Variants in CNTNAP2 observed in about 807,000 individuals in gnomAD.
CNTNAP2 encodes contactin associated protein 2.
In CNTNAP2, 98 loss-of-function variants were observed where a neutral mutation model predicts 155.2. That is an observed-to-expected ratio of 0.63 (90% CI 0.54 to 0.75). The LOEUF (loss-of-function observed/expected upper bound fraction) is 0.75, where lower values mean the gene tolerates loss of function less well. Ranked by LOEUF, CNTNAP2 falls within the 30% of genes least tolerant of loss-of-function variation. The pLI, the probability that CNTNAP2 is intolerant of heterozygous loss-of-function variation, is 0.00. For synonymous variants in CNTNAP2, 651 were observed against 631.2 expected (o/e 1.03, Z -0.47); for missense variants, 1,727 against 1,688.1 (o/e 1.02, Z -0.40).
chr7:148,054,294 G>A (rs892626762), intron 15 of CNTNAP2, among the ~76,000 whole-genome samples: 2 of 151,954 alleles, frequency 1.3e-5, no homozygotes, highest in Non-Finnish European at 2.9e-5. Flanking sequence ...TATTAGCTCT[G>A]GGATTGTGGA....
chr7:147,502,752 T>C (rs925466426), intron 11 of CNTNAP2, among the ~76,000 whole-genome samples: 2 of 151,524 alleles, frequency 1.3e-5, no homozygotes, highest in Admixed American at 6.6e-5. Context: ...TATATATATA[T>C]ATATATAAAA....
chr7:147,257,341 T>C (rs1367808528), intron 8 of CNTNAP2, among the ~76,000 whole-genome samples: 5 of 152,156 alleles, frequency 3.3e-5, no homozygotes. Context: ...CAGGGCAACA[T>C]CGAGTAATTC....
intron 13 of CNTNAP2, among the ~76,000 whole-genome samples, chr7:147,790,755 G>C (rs145881039): frequency 1.7e-4 from 26 of 152,326 alleles, no homozygotes; most frequent in Non-Finnish European, 2.9e-4. Flanking sequence ...ATGCTCGTGA[G>C]AGTTAAAGTC....
intron 3 of CNTNAP2, among the ~76,000 whole-genome samples, chr7:147,008,111 C>T (rs1798558355): frequency 6.6e-6 from 1 of 152,102 alleles, no homozygotes; most frequent in Admixed American, 6.6e-5. Context: ...TATTCAACCC[C>T]TAACATTCTA....
At chr7:148,344,123 G>C (rs1798280630) in intron 21 of CNTNAP2, among the ~76,000 whole-genome samples, 1 of 152,130 alleles carries the variant, frequency 6.6e-6, no homozygotes, top group Non-Finnish European at 1.5e-5. Flanking sequence ...CTTGATTTTA[G>C]CAGAGCCTTT....
intron 2 of CNTNAP2, among the ~76,000 whole-genome samples, chr7:146,817,724 C>T (rs1258919755): frequency 1.3e-5 from 2 of 152,040 alleles, no homozygotes; most frequent in Non-Finnish European, 2.9e-5. Context: ...AGAACTCCCT[C>T]ATCATGATGA....
At chr7:147,607,400 C>G (rs1469654880) in intron 12 of CNTNAP2, among the ~76,000 whole-genome samples, 1 of 152,050 alleles carries the variant, frequency 6.6e-6, no homozygotes, top group Non-Finnish European at 1.5e-5. Flanking sequence ...TTCTCTCTGT[C>G]TCTCTTCCTT....
At chr7:147,769,893 A>G (rs1220061559) in intron 13 of CNTNAP2, among the ~76,000 whole-genome samples, 2 of 152,176 alleles carry the variant, frequency 1.3e-5, no homozygotes, top group Non-Finnish European at 2.9e-5. Flanking sequence ...AATTTCTAGG[A>G]GTGTTGAGAT....
chr7:148,073,417 C>T (rs1803417834), intron 15 of CNTNAP2, among the ~76,000 whole-genome samples: 1 of 152,128 alleles, frequency 6.6e-6, no homozygotes, highest in South Asian at 2.1e-4. Context: ...AAATTGTGTG[C>T]TCTTCCAAGT....
intron 21 of CNTNAP2, among the ~76,000 whole-genome samples, chr7:148,348,645 C>A (rs1158584193): frequency 6.6e-6 from 1 of 152,114 alleles, no homozygotes; most frequent in Non-Finnish European, 1.5e-5. Flanking sequence ...GGCTCAGGCA[C>A]ACGTCATTCA....
chr7:146,730,512 C>T (rs1433661645), intron 1 of CNTNAP2, among the ~76,000 whole-genome samples: 1 of 152,086 alleles, frequency 6.6e-6, no homozygotes, highest in Non-Finnish European at 1.5e-5. Flanking sequence ...ATACAGTATG[C>T]CCTAAAGTGT....
chr7:147,347,367 C>G (rs978248931), intron 9 of CNTNAP2, among the ~76,000 whole-genome samples: 4 of 148,922 alleles, frequency 2.7e-5, no homozygotes, highest in Non-Finnish European at 5.9e-5. Flanking sequence ...CTATATGATG[C>G]TGATGGGCAC....
intron 8 of CNTNAP2, among the ~76,000 whole-genome samples, chr7:147,195,646 C>G (rs537857730): frequency 6.6e-6 from 1 of 151,948 alleles, no homozygotes; most frequent in Non-Finnish European, 1.5e-5. Flanking sequence ...CCCTTGTTAA[C>G]TATATTCCTA....
At position 146,417,879 on chromosome 7, in the gene CNTNAP2, C is replaced by G. The variant is rs191156433; in HGVS notation, c.97+300906C>G. On this transcript the variant is annotated intron_variant, in intron 1 of 23. Transcript: ENST00000361727. The stretch of plus-strand genomic sequence containing the variant: ...AGTTTTCACTTATTCATTCATTTAA[C>G]ATATATATGTTGAGTGTGTATGAGG... Among the ~76,000 whole-genome samples, 12 of 152,182 alleles carry G rather than the reference C, an allele frequency of 7.9e-5. No homozygotes were observed. The East Asian group carries it at 2.1e-3, about 27-fold the overall frequency.
chr7:146,425,332 T>G (rs1039807399), intron 1 of CNTNAP2, among the ~76,000 whole-genome samples: 6 of 152,194 alleles, frequency 3.9e-5, no homozygotes, highest in African/African-American at 1.4e-4. Context: ...TTACCTGAAC[T>G]GTTGCCATAA....
chr7:147,781,840 G>A (rs773556779), intron 13 of CNTNAP2, among the ~76,000 whole-genome samples: 3 of 152,022 alleles, frequency 2.0e-5, no homozygotes, highest in Non-Finnish European at 4.4e-5. Context: ...TGGCTAACAC[G>A]GTGAAACCCC....
At chr7:146,358,008 A>G (rs1232226491) in intron 1 of CNTNAP2, among the ~76,000 whole-genome samples, 2 of 149,076 alleles carry the variant, frequency 1.3e-5, no homozygotes, top group Non-Finnish European at 3.0e-5. Context: ...TTATTTATTT[A>G]TTTATTTATT....
At chr7:148,397,516 A>G (rs1799495189) in intron 22 of CNTNAP2, among the ~76,000 whole-genome samples, 1 of 152,232 alleles carries the variant, frequency 6.6e-6, no homozygotes, top group Non-Finnish European at 1.5e-5. Context: ...CCCTTTAAAT[A>G]TAATGCAGAA....
At chr7:147,816,721 TTGA>T (rs1421757155) in intron 13 of CNTNAP2, among the ~76,000 whole-genome samples, 1 of 150,992 alleles carries the variant, frequency 6.6e-6, no homozygotes, top group Non-Finnish European at 1.5e-5. Flanking sequence ...AAATAATCAC[TTGA>T]TGATGAATAG....
Sources: gnomAD v4.1 joint callset for allele counts (sites outside exome capture counted in the v4.1 genomes callset) on GRCh38, gnomAD v4.1.1 for gene constraint, MANE v1.5 for transcripts, NCBI Gene and HGNC (gene_info 2026-07-23, HGNC 2026-07-21) for gene names.